Variants in ADAM9 observed in about 807,000 individuals in gnomAD.
ADAM9 encodes ADAM metallopeptidase domain 9, also known as disintegrin and metalloproteinase domain-containing protein 9.
A neutral mutation model predicts 108.1 loss-of-function variants in ADAM9; 54 were observed. The observed-to-expected ratio is 0.50, with a 90% confidence interval of 0.40 to 0.63. ADAM9 has a LOEUF of 0.63. Ranked by LOEUF, ADAM9 falls within the 20% of genes least tolerant of loss-of-function variation. The pLI is 0.00. For synonymous variants in ADAM9, 316 were observed against 336.0 expected, an observed-to-expected ratio of 0.94 and a Z score of 0.65; for missense variants, 830 against 997.7, an observed-to-expected ratio of 0.83 and a Z score of 2.26.
At chr8:39,016,088 T>A in intron 4 of ADAM9, 30 bp from the exon 5 acceptor site, 1 of 1,589,298 alleles carries the variant, frequency 6.3e-7, no homozygotes, top group Non-Finnish European at 8.6e-7. Flanking sequence ...TGTAGCAATA[T>A]TTGAAGATAA....
intron 11 of ADAM9, among the ~76,000 whole-genome samples, chr8:39,032,380 A>G (rs764578294): frequency 6.6e-6 from 1 of 152,232 alleles, no homozygotes; most frequent in Non-Finnish European, 1.5e-5. Flanking sequence ...CAGCAATGGC[A>G]GACGCCCCTC....
chr8:39,044,956 A>ACACATACCTATGTATGTGTATG (rs1837582282), intron 12 of ADAM9, among the ~76,000 whole-genome samples: 3 of 134,964 alleles, frequency 2.2e-5, no homozygotes, highest in African/African-American at 9.7e-5. Context: ...GTATGTGTAT[A>ACACATACCTATGTATGTGTATG]TGTGTGTGCA....
rs1304896892 is a variant in ADAM9, at chr8:39,082,979, C to T, written c.1974C>T (p.Ser658=). 6.2e-7 allele frequency: 1 copy of T among 1,613,088 alleles called. No homozygotes were observed. Among genetic ancestry groups the T allele is most frequent in the East Asian group, 2.2e-5 (1 of 44,856 alleles). ...TGATTGTTTTGAAGGTATGTAATAG[C>T]AATAAGAATTGTCACTGTGAAAATG... ...KKCHGHGVCN[S]NKNCHCENGW... is the part of the protein sequence containing the mutation. Residue 658 remains serine, a synonymous_variant, in exon 18 of 22, where the codon AGC becomes AGT. Transcript: ENST00000487273.
Position 39,009,911 on chromosome 8 carries a change from G to GGAGAGA in ADAM9, c.196-1730_196-1725dup, listed in dbSNP as rs138490995. Among the ~76,000 whole-genome samples, 87 of 84,752 alleles carry GGAGAGA rather than the reference G, an allele frequency of 1.0e-3. 1 individual carries two copies. Among genetic ancestry groups the GGAGAGA allele is most frequent in the Middle Eastern group, 0.026 (2 of 78 alleles). 55.6% of individuals were successfully genotyped at this position (84,752 alleles called of 152,430 possible). On this transcript the variant is annotated intron_variant, in intron 2 of 21. Transcript: ENST00000487273. ...TTCTAGTGATGGGGGGGGGGGGCAGGGAGAGAGAGAGAGAGAGAGAGACAA... is the reference window on the plus strand; with the variant it reads ...TTCTAGTGATGGGGGGGGGGGGCAGGGAGAGAGAGAGAGAGAGAGAGAGAGAGACAA...
chr8:39,098,785 T>A (rs951392750), intron 20 of ADAM9, among the ~76,000 whole-genome samples: 7 of 152,204 alleles, frequency 4.6e-5, no homozygotes, highest in African/African-American at 1.7e-4. Flanking sequence ...ATGGCTCATT[T>A]CTTAGTGCCC....
chr8:39,085,080 A>C (rs1055517128), intron 18 of ADAM9, among the ~76,000 whole-genome samples: 1 of 152,132 alleles, frequency 6.6e-6, no homozygotes, highest in Non-Finnish European at 1.5e-5. Flanking sequence ...ATATCATGCT[A>C]TAGTAATTAG....
chr8:39,093,571 T>G (rs1839416169), intron 20 of ADAM9, among the ~76,000 whole-genome samples: 1 of 152,314 alleles, frequency 6.6e-6, no homozygotes, highest in East Asian at 1.9e-4. Context: ...AATTTGGATG[T>G]CTTTTATTTC....
chr8:39,103,943 T>G lies in ADAM9; in HGVS notation c.*243T>G. 2 of 655,682 alleles carry G rather than the reference T, an allele frequency of 3.1e-6. No homozygotes were observed. Among genetic ancestry groups the G allele is most frequent in the Non-Finnish European group, 5.6e-6 (2 of 357,478 alleles). The allele number at this position is 655,682 out of a possible 1,614,324, so 40.6% of individuals were successfully genotyped here. The stretch of plus-strand genomic sequence containing the variant: ...GTTTCCATCATTGAATAAGTCTTAT[T>G]CAGTCATCGGTGAGGTTAATGCACT... On this transcript the variant is annotated 3_prime_UTR_variant, in exon 22 of 22. Coordinates refer to ENST00000487273, the MANE Select transcript of ADAM9 (RefSeq NM_003816.3).
chr8:39,101,481 A>C (rs1248288387), intron 20 of ADAM9, among the ~76,000 whole-genome samples: 1 of 152,186 alleles, frequency 6.6e-6, no homozygotes. Flanking sequence ...ACAACCACAG[A>C]TTGTCCACAT....
chr8:39,101,157 A>T (rs1396246214), intron 20 of ADAM9, among the ~76,000 whole-genome samples: 2 of 152,356 alleles, frequency 1.3e-5, no homozygotes, highest in Non-Finnish European at 2.9e-5. Flanking sequence ...TACTGAATTT[A>T]AAAAAATACC....
At chr8:39,010,983 C>T (rs1031255929) in intron 2 of ADAM9, among the ~76,000 whole-genome samples, 4 of 151,500 alleles carry the variant, frequency 2.6e-5, no homozygotes, top group African/African-American at 9.7e-5. Context: ...ATCCCAGTTA[C>T]TTGGGAGGCT....
intron 1 of ADAM9, among the ~76,000 whole-genome samples, chr8:39,007,079 G>A (rs1360583917): frequency 1.3e-5 from 2 of 152,200 alleles, no homozygotes; most frequent in Admixed American, 6.5e-5. Context: ...TGTACAGGAA[G>A]CATGGCACAG....
chr8:39,044,987 T>TGTGTGTGTGC (rs1837586505), intron 12 of ADAM9, among the ~76,000 whole-genome samples: 6 of 149,252 alleles, frequency 4.0e-5, no homozygotes, highest in South Asian at 2.1e-4. Context: ...TGTATGTGTA[T>TGTGTGTGTGC]ATGTGTGTGC....
In ADAM9 at chr8:39,082,974, A is replaced by G; in HGVS notation, c.1969A>G (p.Asn657Asp). Residue 657 changes from asparagine (N) to aspartate (D), a missense_variant, in exon 18 of 22, where the codon AAT becomes GAT. Asn to Asp is a conservative substitution (Grantham distance 23). Transcript: ENST00000487273. ...QKKCHGHGVC[N>D]SNKNCHCENG... The stretch of plus-strand genomic sequence containing the variant: ...TATTTTGATTGTTTTGAAGGTATGT[A>G]ATAGCAATAAGAATTGTCACTGTGA... The G allele has an allele frequency of 6.2e-7, 1 of 1,612,842 alleles. No individual in the cohort carries two copies. The highest frequency in any genetic ancestry group is 8.5e-7 in the Non-Finnish European group (1 of 1,178,894).
intron 9 of ADAM9, among the ~76,000 whole-genome samples, chr8:39,025,110 A>T (rs752865406): frequency 6.6e-6 from 1 of 151,338 alleles, no homozygotes; most frequent in Non-Finnish European, 1.5e-5. Context: ...TTTATTTTGG[A>T]GACAGAGTCT....
chr8:39,095,540 C>T (rs1839476978), intron 20 of ADAM9, among the ~76,000 whole-genome samples: 1 of 152,054 alleles, frequency 6.6e-6, no homozygotes, highest in Non-Finnish European at 1.5e-5. Context: ...GCTTGTTTTG[C>T]AGTTTAACAT....
chr8:39,018,730 G>C, intron 6 of ADAM9, 123 bp from the exon 7 acceptor site: 16 of 866,000 alleles, frequency 1.8e-5, no homozygotes, highest in Non-Finnish European at 2.7e-5. Flanking sequence ...CTTGATATAG[G>C]ATATGTTAAG....
chr8:39,076,975 T>C (rs1838867661), intron 15 of ADAM9, among the ~76,000 whole-genome samples: 1 of 152,192 alleles, frequency 6.6e-6, no homozygotes, highest in Admixed American at 6.5e-5. Flanking sequence ...TGAAGAAGAT[T>C]AAGTGTGGTA....
At chr8:39,096,865 A>G (rs1170238028) in intron 20 of ADAM9, among the ~76,000 whole-genome samples, 1 of 151,992 alleles carries the variant, frequency 6.6e-6, no homozygotes, top group African/African-American at 2.4e-5. Flanking sequence ...CTCTTTGTTG[A>G]TATTCTCATT....
Sources: allele counts gnomAD v4.1 joint callset (sites outside exome capture counted in the v4.1 genomes callset), GRCh38; gene constraint gnomAD v4.1.1; transcripts MANE v1.5; gene names NCBI Gene and HGNC (gene_info 2026-07-23, HGNC 2026-07-21).